Variants in DOCK8 observed in about 807,000 individuals in gnomAD.
DOCK8 encodes the protein dedicator of cytokinesis 8, also known as dedicator of cytokinesis protein 8.
Under a neutral mutation model 245.6 loss-of-function variants are expected in DOCK8, and 141 were observed. The observed-to-expected ratio is 0.57, with a 90% confidence interval of 0.50 to 0.66. DOCK8 has a LOEUF of 0.66. DOCK8 is among the 30% of genes least tolerant of loss of function. The pLI, the probability that DOCK8 is intolerant of heterozygous loss-of-function variation, is 0.00. For synonymous variants in DOCK8, 1,168 were observed against 970.2 expected, an observed-to-expected ratio of 1.20 and a Z score of -3.79; for missense variants, 2,965 against 2,603.4, an observed-to-expected ratio of 1.14 and a Z score of -3.02.
intron 14 of DOCK8, among the ~76,000 whole-genome samples, chr9:358,584 C>G (rs916503921): frequency 2.6e-5 from 4 of 151,764 alleles, no homozygotes; most frequent in African/African-American, 9.7e-5. Flanking sequence ...TGCGGTGGCT[C>G]ATGCCTGTAA....
chr9:214,821 T>C (rs756685232), upstream of DOCK8: 1 of 1,596,690 alleles, frequency 6.3e-7, no homozygotes. Context: ...CCCGGGGTGA[T>C]TTCGGCTTAG....
chr9:216,876 G>A (rs909822797), intron 1 of DOCK8, among the ~76,000 whole-genome samples: 1 of 152,118 alleles, frequency 6.6e-6, no homozygotes, highest in Non-Finnish European at 1.5e-5. Flanking sequence ...TCACCTGGGG[G>A]TTAAGAATAA....
At chr9:463,480 G>A in intron 46 of DOCK8, 37 bp from the exon 47 acceptor site, 1 of 1,612,856 alleles carries the variant, frequency 6.2e-7, no homozygotes, top group South Asian at 1.1e-5. Flanking sequence ...GCACTTCAAA[G>A]TCATTTATTT....
chr9:389,977 G>A (rs1331161948), intron 23 of DOCK8, among the ~76,000 whole-genome samples: 1 of 151,730 alleles, frequency 6.6e-6, no homozygotes, highest in Admixed American at 6.6e-5. Flanking sequence ...GCGAGATTAC[G>A]CCACCGCATT....
At chr9:412,482 C>G (rs1300060565) in intron 28 of DOCK8, among the ~76,000 whole-genome samples, 4 of 151,084 alleles carry the variant, frequency 2.6e-5, no homozygotes, top group East Asian at 3.9e-4. Context: ...TATCTCTATT[C>G]ATAGGTGGCA....
intron 36 of DOCK8, 75 bp from the exon 37 acceptor site, chr9:432,091 C>T (rs2056734314): frequency 1.3e-6 from 2 of 1,504,716 alleles, no homozygotes; most frequent in Non-Finnish European, 1.8e-6. Flanking sequence ...TTGTGTCTGG[C>T]CATGCTGCTT....
chr9:227,434 C>T (rs2047013794), intron 1 of DOCK8, among the ~76,000 whole-genome samples: 1 of 152,162 alleles, frequency 6.6e-6, no homozygotes, highest in Admixed American at 6.5e-5. Flanking sequence ...AAGAGATAGC[C>T]TGGACTTTGT....
At chr9:303,525 C>T (rs543367556) in intron 4 of DOCK8, among the ~76,000 whole-genome samples, 6 of 152,194 alleles carry the variant, frequency 3.9e-5, no homozygotes, top group East Asian at 3.9e-4. Context: ...TTATCCTAAA[C>T]AAATTAACAC....
At chr9:446,146 C>A (rs898678078) in intron 43 of DOCK8, among the ~76,000 whole-genome samples, 1 of 152,248 alleles carries the variant, frequency 6.6e-6, no homozygotes, top group Admixed American at 6.5e-5. Flanking sequence ...GTGGCCCTCA[C>A]TCTCCCCACA....
At chr9:323,512 C>T (rs1176873623) in intron 7 of DOCK8, among the ~76,000 whole-genome samples, 1 of 152,094 alleles carries the variant, frequency 6.6e-6, no homozygotes, top group Non-Finnish European at 1.5e-5. Flanking sequence ...TGAGCCACTG[C>T]GCCTGGCCAA....
intron 1 of DOCK8, among the ~76,000 whole-genome samples, chr9:260,895 C>T (rs927025957): frequency 3.9e-5 from 6 of 152,088 alleles, no homozygotes; most frequent in Non-Finnish European, 5.9e-5. Flanking sequence ...ACAACATAGA[C>T]GACTCTCAAG....
chr9:447,685 C>T (rs567885734), intron 44 of DOCK8, among the ~76,000 whole-genome samples: 1 of 152,320 alleles, frequency 6.6e-6, no homozygotes, highest in African/African-American at 2.4e-5. Flanking sequence ...TAGATTGGGT[C>T]ATTAAAATAA....
intron 2 of DOCK8, among the ~76,000 whole-genome samples, chr9:278,889 A>G (rs901188704): frequency 2.0e-5 from 3 of 152,184 alleles, no homozygotes; most frequent in African/African-American, 7.2e-5. Context: ...TGCTGTGAGC[A>G]TTGAGGTTGG....
chr9:421,149 C>T, intron 32 of DOCK8, 71 bp downstream of exon 32: 1 of 1,587,582 alleles, frequency 6.3e-7, no homozygotes, highest in South Asian at 1.1e-5. Context: ...GAATGTCCTC[C>T]CAACATGATT....
chr9:439,503 C>T, intron 40 of DOCK8, 115 bp downstream of exon 40: 1 of 1,407,498 alleles, frequency 7.1e-7, no homozygotes, highest in South Asian at 1.2e-5. Flanking sequence ...AGGACACGTG[C>T]CAGGGTGTGC....
At chr9:337,729 G>A (rs1191347342) in intron 12 of DOCK8, among the ~76,000 whole-genome samples, 1 of 152,242 alleles carries the variant, frequency 6.6e-6, no homozygotes, top group Non-Finnish European at 1.5e-5. Flanking sequence ...CCAGGGTCTA[G>A]GGATAGAGGG....
At chr9:342,275 G>T (rs1033507766) in intron 14 of DOCK8, among the ~76,000 whole-genome samples, 5 of 145,842 alleles carry the variant, frequency 3.4e-5, no homozygotes, top group East Asian at 2.1e-4. Context: ...TCACTCAAAA[G>T]ATTGATTTGT....
At chr9:225,675 G>A (rs989531051) in intron 1 of DOCK8, among the ~76,000 whole-genome samples, 1 of 152,160 alleles carries the variant, frequency 6.6e-6, no homozygotes, top group Non-Finnish European at 1.5e-5. Context: ...TCTAAAAAAA[G>A]TAATATACCA....
At chr9:417,944 A>G in intron 29 of DOCK8, 124 bp from the exon 30 acceptor site, 5 of 1,232,746 alleles carry the variant, frequency 4.1e-6, no homozygotes, top group Non-Finnish European at 5.8e-6. Flanking sequence ...ACATAATGCT[A>G]AACATCAGGT....
Sources: allele counts gnomAD v4.1 joint callset (sites outside exome capture counted in the v4.1 genomes callset), GRCh38; gene constraint gnomAD v4.1.1; transcripts MANE v1.5; gene names NCBI Gene and HGNC (gene_info 2026-07-23, HGNC 2026-07-21).